DPP10: variants seen among roughly 807,000 people sequenced by gnomAD.
DPP10 encodes the protein dipeptidyl peptidase like 10.
In DPP10, 33 loss-of-function variants were observed where a neutral mutation model predicts 120.9. The observed-to-expected ratio is 0.27, with a 90% CI of 0.21 to 0.37. DPP10 has a LOEUF of 0.37. Among genes scored for constraint, DPP10 ranks in the 10% least tolerant of loss-of-function variants. DPP10 has a pLI of 1.00. For missense variants in DPP10, 816 were observed against 942.8 expected (o/e 0.87, Z 1.76); for synonymous variants, 337 against 326.1 (o/e 1.03, Z -0.36).
intron 7 of DPP10, among the ~76,000 whole-genome samples, chr2:115,715,339 CAAAAAA>C (rs546857779): frequency 1.9e-4 from 13 of 67,656 alleles, no homozygotes; most frequent in South Asian, 6.7e-4. Context: ...AACTCCGTCT[CAAAAAA>C]AAAAAAAAAA....
intron 3 of DPP10, among the ~76,000 whole-genome samples, chr2:115,374,401 G>T (rs1461350711): frequency 6.6e-6 from 1 of 152,192 alleles, no homozygotes; most frequent in Non-Finnish European, 1.5e-5. Flanking sequence ...GGCTCTGCAG[G>T]ATACAGCCCT....
At chr2:115,101,295 T>C (rs1426011047) in intron 1 of DPP10, among the ~76,000 whole-genome samples, 2 of 152,200 alleles carry the variant, frequency 1.3e-5, no homozygotes, top group Non-Finnish European at 2.9e-5. Flanking sequence ...AAATTCATGA[T>C]GGAAATATCT....
At chr2:115,495,957 G>C (rs985174944) in intron 3 of DPP10, among the ~76,000 whole-genome samples, 8 of 152,062 alleles carry the variant, frequency 5.3e-5, no homozygotes, top group African/African-American at 1.9e-4. Context: ...CCATGTTAAT[G>C]CACTTAAGTC....
rs932149461 is a variant in DPP10, at chr2:115,018,564, A to G, written c.61-290675A>G. Among the ~76,000 whole-genome samples the G allele has an allele frequency of 2.9e-4, 44 of 152,280 alleles. 1 individual carries two copies. The highest frequency in any genetic ancestry group is 1.0e-3 in the African/African-American group (42 of 41,566). On this transcript the variant is annotated intron_variant, in intron 1 of 25. Coordinates refer to ENST00000410059, the MANE Select transcript of DPP10 (RefSeq NM_020868.6). ...GTGAAAAAATATGTCCTTTGCAGGG[A>G]CATGGATGAAACTGGAAACCGTCAT...
chr2:114,494,833 T>G (rs958594091), intron 1 of DPP10, among the ~76,000 whole-genome samples: 1 of 151,996 alleles, frequency 6.6e-6, no homozygotes, highest in African/African-American at 2.4e-5. Flanking sequence ...CTCCAAAAGG[T>G]TTGGTATTAG....
At chr2:115,132,770 T>G (rs2050426200) in intron 1 of DPP10, among the ~76,000 whole-genome samples, 1 of 152,018 alleles carries the variant, frequency 6.6e-6, no homozygotes, top group East Asian at 1.9e-4. Context: ...AACTGAAAAT[T>G]TTACTTACGG....
chr2:114,908,879 G>T (rs1192061919), intron 1 of DPP10, among the ~76,000 whole-genome samples: 3 of 151,530 alleles, frequency 2.0e-5, no homozygotes, highest in African/African-American at 4.8e-5. Flanking sequence ...AATATTGTTG[G>T]CATTAGTCAA....
At chr2:115,410,398 T>A (rs1363634094) in intron 3 of DPP10, among the ~76,000 whole-genome samples, 1 of 152,120 alleles carries the variant, frequency 6.6e-6, no homozygotes, top group Admixed American at 6.5e-5. Flanking sequence ...CAAGCACCCA[T>A]GTTCTCAGTT....
chr2:114,887,969 C>A (rs556723062), intron 1 of DPP10, among the ~76,000 whole-genome samples: 1 of 151,960 alleles, frequency 6.6e-6, no homozygotes, highest in South Asian at 2.1e-4. Flanking sequence ...GAAACCCCGA[C>A]CGTCTCTACT....
chr2:114,560,929 G>A (rs1044135705), intron 1 of DPP10, among the ~76,000 whole-genome samples: 3 of 152,186 alleles, frequency 2.0e-5, no homozygotes, highest in Non-Finnish European at 4.4e-5. Context: ...GGAAAGGCAC[G>A]ATTCACCAGA....
At chr2:115,031,079 T>A (rs1703808241) in intron 1 of DPP10, among the ~76,000 whole-genome samples, 1 of 152,130 alleles carries the variant, frequency 6.6e-6, no homozygotes, top group South Asian at 2.1e-4. Flanking sequence ...TTCTCAGACA[T>A]TTTTTTCTTG....
intron 3 of DPP10, among the ~76,000 whole-genome samples, chr2:115,394,582 A>G (rs890287057): frequency 6.6e-6 from 1 of 152,190 alleles, no homozygotes; most frequent in Non-Finnish European, 1.5e-5. Context: ...TCCCAGCATA[A>G]TACAATTTTC....
At chr2:114,750,967 T>A (rs1679161924) in intron 1 of DPP10, among the ~76,000 whole-genome samples, 1 of 152,182 alleles carries the variant, frequency 6.6e-6, no homozygotes, top group African/African-American at 2.4e-5. Context: ...ATCTGGAAGT[T>A]GAATGGAGTG....
intron 1 of DPP10, among the ~76,000 whole-genome samples, chr2:114,682,206 G>A (rs1164706758): frequency 6.6e-6 from 1 of 151,844 alleles, no homozygotes; most frequent in Non-Finnish European, 1.5e-5. Context: ...TCTCTGAAGG[G>A]GAAGACTCCT....
At chr2:114,581,837 G>A (rs1690550477) in intron 1 of DPP10, among the ~76,000 whole-genome samples, 1 of 152,158 alleles carries the variant, frequency 6.6e-6, no homozygotes, top group Non-Finnish European at 1.5e-5. Flanking sequence ...CAGAAAAACT[G>A]AATGGGGCAC....
rs113580688 is a variant in DPP10 at position 115,727,438 on chromosome 2, C to T, written c.577-378C>T. On this transcript the variant is annotated intron_variant, in intron 7 of 25. Transcript: ENST00000410059. The stretch of plus-strand genomic sequence containing the variant: ...CCCAAATTGAAGCTCTTCAAACAGT[C>T]AGTTGGTGTTACTAAAATGGCTTAT... Among the ~76,000 whole-genome samples the T allele has an allele frequency of 5.8e-4, 88 of 152,190 alleles. 1 individual carries two copies. The highest frequency in any genetic ancestry group is 1.6e-3 in the African/African-American group (66 of 41,554).
At chr2:115,817,202 G>A (rs1349083233) in intron 21 of DPP10, among the ~76,000 whole-genome samples, 2 of 151,900 alleles carry the variant, frequency 1.3e-5, no homozygotes, top group South Asian at 2.1e-4. Flanking sequence ...AGCCGAGATC[G>A]AGCCACCGCA....
intron 3 of DPP10, among the ~76,000 whole-genome samples, chr2:115,472,385 G>T (rs765298846): frequency 6.6e-6 from 1 of 152,088 alleles, no homozygotes; most frequent in Non-Finnish European, 1.5e-5. Context: ...ATTTCAAGTA[G>T]ATATATTACA....
At chr2:114,626,211 T>C (rs1694500397) in intron 1 of DPP10, among the ~76,000 whole-genome samples, 1 of 151,860 alleles carries the variant, frequency 6.6e-6, no homozygotes, top group African/African-American at 2.4e-5. Flanking sequence ...CCACCACCAA[T>C]ATAATTATCA....
Sources: gnomAD v4.1 joint callset for allele counts (sites outside exome capture counted in the v4.1 genomes callset) on GRCh38, gnomAD v4.1.1 for gene constraint, MANE v1.5 for transcripts, NCBI Gene and HGNC (gene_info 2026-07-23, HGNC 2026-07-21) for gene names.